Variants in ROBO1 observed in about 807,000 individuals in gnomAD.
ROBO1 encodes roundabout homolog 1.
In ROBO1, 149 loss-of-function variants were observed where a neutral mutation model predicts 195.9. The observed-to-expected ratio is 0.76, with a 90% CI of 0.67 to 0.87. The LOEUF is 0.87. ROBO1 is among the 40% of genes least tolerant of loss of function. The pLI, the probability that ROBO1 is intolerant of heterozygous loss-of-function variation, is 0.00. For synonymous variants in ROBO1, 816 were observed against 733.2 expected (o/e 1.11, Z -1.82); for missense variants, 1,933 against 2,068.3 (o/e 0.93, Z 1.27).
chr3:78,738,455 T>C (rs973817171), intron 5 of ROBO1, among the ~76,000 whole-genome samples: 7 of 152,210 alleles, frequency 4.6e-5, no homozygotes, highest in Non-Finnish European at 7.3e-5. Flanking sequence ...ATCTTCATTA[T>C]GGATTTTCAA....
intron 8 of ROBO1, among the ~76,000 whole-genome samples, chr3:78,703,953 T>A (rs908945149): frequency 6.6e-6 from 1 of 152,126 alleles, no homozygotes; most frequent in African/African-American, 2.4e-5. Context: ...GTTTGCTATG[T>A]CTTGTCAGAG....
chr3:79,211,864 G>C (rs2108803375), intron 2 of ROBO1, among the ~76,000 whole-genome samples: 1 of 152,274 alleles, frequency 6.6e-6, no homozygotes, highest in East Asian at 1.9e-4. Context: ...TAGCGGTGTG[G>C]AGTGGGAAAC....
chr3:79,654,168 T>G (rs1436924656), intron 1 of ROBO1, among the ~76,000 whole-genome samples: 1 of 152,032 alleles, frequency 6.6e-6, no homozygotes, highest in Non-Finnish European at 1.5e-5. Context: ...TAACCTGAGT[T>G]TATGGATGTA....
At chr3:78,833,069 A>C (rs185091496) in intron 4 of ROBO1, among the ~76,000 whole-genome samples, 56 of 152,216 alleles carry the variant, frequency 3.7e-4, no homozygotes, top group African/African-American at 1.3e-3. Context: ...TTAAACAAGT[A>C]AATGATGTGG....
At chr3:79,039,935 G>A (rs2078454122) in intron 3 of ROBO1, among the ~76,000 whole-genome samples, 1 of 151,826 alleles carries the variant, frequency 6.6e-6, no homozygotes, top group Non-Finnish European at 1.5e-5. Context: ...CTATAATGAT[G>A]GAATGAGATA....
At chr3:78,904,504 T>C (rs1377390700) in intron 4 of ROBO1, among the ~76,000 whole-genome samples, 1 of 151,970 alleles carries the variant, frequency 6.6e-6, no homozygotes, top group East Asian at 1.9e-4. Context: ...CAAACGTCAA[T>C]ATGTCATTCT....
At chr3:79,618,001 T>A (rs1468042333) in intron 1 of ROBO1, among the ~76,000 whole-genome samples, 1 of 150,468 alleles carries the variant, frequency 6.6e-6, no homozygotes, top group African/African-American at 2.4e-5. Flanking sequence ...TAAAACTAGG[T>A]TAGATCAAAC....
At chr3:79,143,912 T>C (rs1446288517) in intron 2 of ROBO1, among the ~76,000 whole-genome samples, 3 of 152,042 alleles carry the variant, frequency 2.0e-5, no homozygotes, top group African/African-American at 7.2e-5. Context: ...ATCCACATTT[T>C]TGAGAATGTT....
At chr3:79,622,225 A>G (rs1366900616) in intron 1 of ROBO1, among the ~76,000 whole-genome samples, 2 of 152,158 alleles carry the variant, frequency 1.3e-5, no homozygotes, top group Non-Finnish European at 2.9e-5. Flanking sequence ...CCACTCATGA[A>G]CCCACTCCAC....
intron 2 of ROBO1, among the ~76,000 whole-genome samples, chr3:79,184,221 G>C (rs757841736): frequency 6.6e-6 from 1 of 152,140 alleles, no homozygotes; most frequent in Non-Finnish European, 1.5e-5. Context: ...ATTATTGAAA[G>C]GATATTCTAC....
intron 3 of ROBO1, among the ~76,000 whole-genome samples, chr3:79,088,403 T>C (rs1408413879): frequency 6.6e-6 from 1 of 152,138 alleles, no homozygotes; most frequent in African/African-American, 2.4e-5. Context: ...TAGTAAGCCA[T>C]GTAGAAGTTA....
At chr3:79,259,320 T>C (rs2082895499) in intron 2 of ROBO1, among the ~76,000 whole-genome samples, 1 of 152,014 alleles carries the variant, frequency 6.6e-6, no homozygotes, top group Admixed American at 6.6e-5. Context: ...ATTTTTATTT[T>C]GTAGAGACAG....
chr3:79,680,123 T>C (rs1284341091), intron 1 of ROBO1, among the ~76,000 whole-genome samples: 1 of 152,052 alleles, frequency 6.6e-6, no homozygotes, highest in African/African-American at 2.4e-5. Flanking sequence ...GCAGCCATTG[T>C]AGAAAACATT....
At chr3:79,640,488 C>T (rs1013696817) in intron 1 of ROBO1, among the ~76,000 whole-genome samples, 2 of 152,058 alleles carry the variant, frequency 1.3e-5, no homozygotes, top group African/African-American at 4.8e-5. Context: ...TAGACTAATA[C>T]ACTGCCCATG....
At chr3:78,929,739 A>T (rs1407307557) in intron 4 of ROBO1, among the ~76,000 whole-genome samples, 1 of 151,978 alleles carries the variant, frequency 6.6e-6, no homozygotes, top group Non-Finnish European at 1.5e-5. Flanking sequence ...CCTGAGCCAC[A>T]AGCCATCTGC....
chr3:79,701,557 G>A (rs969147347), intron 1 of ROBO1, among the ~76,000 whole-genome samples: 6 of 151,548 alleles, frequency 4.0e-5, no homozygotes, highest in African/African-American at 1.2e-4. Context: ...GTCAGCCATT[G>A]TTATTTTCAG....
At chr3:79,551,668 T>C (rs1324449804) in intron 2 of ROBO1, among the ~76,000 whole-genome samples, 1 of 152,038 alleles carries the variant, frequency 6.6e-6, no homozygotes, top group Non-Finnish European at 1.5e-5. Context: ...CTATCCTTGA[T>C]GTATCTAGCA....
intron 2 of ROBO1, among the ~76,000 whole-genome samples, chr3:79,524,750 G>A (rs1190708677): frequency 6.6e-6 from 1 of 152,010 alleles, no homozygotes; most frequent in Non-Finnish European, 1.5e-5. Context: ...CAGAGAAAAT[G>A]ACGTTCATAT....
At chr3:78,904,286 T>C (rs988420479) in intron 4 of ROBO1, among the ~76,000 whole-genome samples, 1 of 152,074 alleles carries the variant, frequency 6.6e-6, no homozygotes, top group Non-Finnish European at 1.5e-5. Context: ...TAGAAGAAAT[T>C]CATAGGTGCT....
Sources: gnomAD v4.1 joint callset for allele counts (sites outside exome capture counted in the v4.1 genomes callset) on GRCh38, gnomAD v4.1.1 for gene constraint, MANE v1.5 for transcripts, NCBI Gene and HGNC (gene_info 2026-07-23, HGNC 2026-07-21) for gene names.